Variants in ELAVL2 observed in about 807,000 individuals in gnomAD.
The protein encoded by ELAVL2 is ELAV-like protein 2.
ELAVL2 carries 4 observed loss-of-function variants against 34.6 expected under a neutral mutation model. The ratio of observed to expected loss-of-function variants is 0.12; its 90% confidence interval spans 0.06 to 0.26. The LOEUF (loss-of-function observed/expected upper bound fraction) is 0.26, where lower values mean the gene tolerates loss of function less well. ELAVL2 is among the 10% of genes least tolerant of loss of function. The pLI is 1.00. For missense variants in ELAVL2, 432 were observed against 442.8 expected (o/e 0.98, Z 0.22); for synonymous variants, 193 against 154.8 (o/e 1.25, Z -1.83).
chr9:23,824,309 G>C (rs1219763417), intron 1 of ELAVL2, among the ~76,000 whole-genome samples: 3 of 152,148 alleles, frequency 2.0e-5, no homozygotes, highest in Non-Finnish European at 2.9e-5. Flanking sequence ...CAACGTGCTG[G>C]GCATAAATTA....
At position 23,692,138 on chromosome 9, in the gene ELAVL2, G is replaced by C. The variant is rs147141263; in HGVS notation, c.*419C>G. 4.4e-5 allele frequency: 7 copies of C among 160,240 alleles called. No homozygotes were observed. In the East Asian group the frequency reaches 1.3e-3, roughly 29 times the overall value. 9.9% of individuals were successfully genotyped at this position (160,240 alleles called of 1,614,324 possible). A position where few individuals can be genotyped will look rare whatever the true frequency, so the allele number is the denominator to read the frequency against. ...GCTTTAAATGTAAACCAAACACAAA[G>C]CTAATCAGAAAAAGGAAAAAAAGGG... On this transcript the variant is annotated 3_prime_UTR_variant, in exon 7 of 7. Coordinates refer to ENST00000397312, the MANE Select transcript of ELAVL2 (RefSeq NM_004432.5).
intron 2 of ELAVL2, among the ~76,000 whole-genome samples, chr9:23,755,171 T>C (rs2053239564): frequency 6.6e-6 from 1 of 152,124 alleles, no homozygotes; most frequent in South Asian, 2.1e-4. Flanking sequence ...TTGTGTGCCA[T>C]TTCTCCAATT....
intron 1 of ELAVL2, among the ~76,000 whole-genome samples, chr9:23,776,174 G>T (rs2058158743): frequency 1.3e-5 from 2 of 152,210 alleles, no homozygotes; most frequent in Admixed American, 6.5e-5. Flanking sequence ...GACTGTCAAG[G>T]GGAAAAAGGG....
intron 3 of ELAVL2, among the ~76,000 whole-genome samples, chr9:23,710,939 G>C (rs1044097073): frequency 2.4e-4 from 36 of 152,094 alleles, no homozygotes; most frequent in African/African-American, 8.4e-4. Context: ...ACTCAGGCCA[G>C]AGACCTCAAA....
intron 2 of ELAVL2, among the ~76,000 whole-genome samples, chr9:23,755,680 G>A (rs1347296969): frequency 1.3e-5 from 2 of 152,008 alleles, no homozygotes; most frequent in African/African-American, 2.4e-5. Flanking sequence ...CACAGTTAAC[G>A]CACTGCGGAC....
chr9:23,825,117 A>G (rs1345050091), intron 1 of ELAVL2, among the ~76,000 whole-genome samples: 1 of 152,142 alleles, frequency 6.6e-6, no homozygotes, highest in Non-Finnish European at 1.5e-5. Flanking sequence ...TTCAGCCCCA[A>G]ATTGGCTATC....
chr9:23,708,646 A>G (rs1440028104), intron 3 of ELAVL2, among the ~76,000 whole-genome samples: 2 of 152,088 alleles, frequency 1.3e-5, no homozygotes, highest in Non-Finnish European at 2.9e-5. Context: ...AAGTTATTCC[A>G]CTTTTTATTA....
intron 1 of ELAVL2, chr9:23,779,169 A>G: frequency 1.0e-6 from 1 of 983,914 alleles, no homozygotes; most frequent in Non-Finnish European, 1.2e-6. Context: ...ACAAACCACA[A>G]ATTGTATTTT....
intron 1 of ELAVL2, among the ~76,000 whole-genome samples, chr9:23,791,558 G>T (rs1281392932): frequency 6.6e-6 from 1 of 152,032 alleles, no homozygotes; most frequent in Non-Finnish European, 1.5e-5. Flanking sequence ...AATTATTTCA[G>T]GAAATAAGGC....
intron 3 of ELAVL2, among the ~76,000 whole-genome samples, chr9:23,712,607 C>T (rs1015728868): frequency 3.3e-5 from 5 of 152,070 alleles, no homozygotes; most frequent in African/African-American, 7.2e-5. Context: ...CCAATTAAAA[C>T]GTACCAACCT....
chr9:23,753,854 G>A (rs747358887), intron 2 of ELAVL2, among the ~76,000 whole-genome samples: 13 of 152,130 alleles, frequency 8.5e-5, no homozygotes, highest in Admixed American at 2.0e-4. Context: ...TGTTACAAGA[G>A]AATTTCAACT....
intron 1 of ELAVL2, among the ~76,000 whole-genome samples, chr9:23,784,471 A>C (rs991865852): frequency 6.6e-5 from 10 of 152,182 alleles, no homozygotes; most frequent in African/African-American, 2.4e-4. Context: ...TTGGAAGGTA[A>C]AGGATGGTGC....
intron 1 of ELAVL2, among the ~76,000 whole-genome samples, chr9:23,791,693 T>C (rs144296220): frequency 5.3e-5 from 8 of 152,344 alleles, no homozygotes; most frequent in African/African-American, 1.7e-4. Context: ...CTTCTTTACA[T>C]ACCCAGAGTA....
chr9:23,732,643 G>A (rs1038143743), intron 2 of ELAVL2, among the ~76,000 whole-genome samples: 2 of 152,158 alleles, frequency 1.3e-5, no homozygotes, highest in African/African-American at 4.8e-5. Flanking sequence ...TTGTCATTGA[G>A]TAGAATTAAA....
chr9:23,809,315 TAAG>T (rs1273969164), intron 1 of ELAVL2, among the ~76,000 whole-genome samples: 1 of 152,122 alleles, frequency 6.6e-6, no homozygotes, highest in Non-Finnish European at 1.5e-5. Flanking sequence ...TTTGCAGAGA[TAAG>T]AAATCAGAGA....
At chr9:23,774,755 C>T (rs2057927166) in intron 1 of ELAVL2, among the ~76,000 whole-genome samples, 1 of 151,126 alleles carries the variant, frequency 6.6e-6, no homozygotes, top group Admixed American at 6.6e-5. Context: ...TTGCTACCTC[C>T]TTATTCTGGC....
chr9:23,699,838 T>A (rs1228131615), intron 5 of ELAVL2, among the ~76,000 whole-genome samples: 4 of 95,700 alleles, frequency 4.2e-5, no homozygotes, highest in African/African-American at 1.6e-4. Flanking sequence ...TTTTTTTTTT[T>A]TTTTTTTTTT....
chr9:23,722,442 C>A (rs749087727), intron 3 of ELAVL2, among the ~76,000 whole-genome samples: 4 of 152,176 alleles, frequency 2.6e-5, no homozygotes, highest in Non-Finnish European at 4.4e-5. Context: ...TCAAACTGTA[C>A]GTCTGGCTGT....
chr9:23,759,941 T>G (rs186554815), intron 2 of ELAVL2, among the ~76,000 whole-genome samples: 1 of 151,278 alleles, frequency 6.6e-6, no homozygotes, highest in Non-Finnish European at 1.5e-5. Context: ...CTCAAGCCAC[T>G]GAAAAGACAA....
Sources: allele counts gnomAD v4.1 joint callset (sites outside exome capture counted in the v4.1 genomes callset), GRCh38; gene constraint gnomAD v4.1.1; transcripts MANE v1.5; gene names NCBI Gene and HGNC (gene_info 2026-07-23, HGNC 2026-07-21).